ANKRD11: variants seen among roughly 807,000 people sequenced by gnomAD.
ANKRD11 encodes ankyrin repeat domain-containing protein 11.
In ANKRD11, 17 loss-of-function variants were observed where a neutral mutation model predicts 195.7. The observed-to-expected ratio is 0.09, with a 90% CI of 0.06 to 0.13. ANKRD11 has a LOEUF of 0.13. ANKRD11 is among the 10% of genes least tolerant of loss of function. ANKRD11 has a pLI of 1.00. For missense variants in ANKRD11, 3,735 were observed against 3,566.1 expected (o/e 1.05, Z -1.21); for synonymous variants, 1,953 against 1,528.1 (o/e 1.28, Z -6.49).
At chr16:89,449,187 C>CAAA (rs397778191) in intron 1 of ANKRD11, among the ~76,000 whole-genome samples, 1 of 73,448 alleles carries the variant, frequency 1.4e-5, no homozygotes, top group Non-Finnish European at 2.7e-5. Context: ...CCAGTCTCTA[C>CAAA]AAAAAAAAAA....
chr16:89,436,702 T>A (rs1306873188), intron 1 of ANKRD11, among the ~76,000 whole-genome samples: 2 of 152,206 alleles, frequency 1.3e-5, no homozygotes, highest in Non-Finnish European at 2.9e-5. Flanking sequence ...CTCTCAACAC[T>A]GACAAGTCAA....
chr16:89,301,086 C>A, intron 4 of ANKRD11: 1 of 535,802 alleles, frequency 1.9e-6, no homozygotes, highest in South Asian at 2.6e-5. Context: ...AAAACATTCG[C>A]TGGTTGACTG....
chr16:89,270,892 T>G lies in ANKRD11; in HGVS notation c.7731A>C (p.Ser2577=), dbSNP rs564437715. The G allele has an allele frequency of 3.5e-4, 567 of 1,614,006 alleles. 5 individuals carry two copies. The South Asian group carries it at 5.9e-3, about 17-fold the overall frequency. The change falls in exon 12 of 13, where the codon TCA becomes TCC. Residue 2577 remains serine, a synonymous_variant. Transcript: ENST00000301030. ...GGCGGGCGTTGAAACGGTCGCGCAC[T>G]GACTTGTTCTCGTCACCCTGTGGAA... ...PLESQGDENK[S]VRDRFNARQF...
intron 2 of ANKRD11, among the ~76,000 whole-genome samples, chr16:89,387,691 AG>A (rs1251530323): frequency 7.6e-4 from 98 of 129,110 alleles, no homozygotes; most frequent in East Asian, 2.1e-3. Context: ...AAAAAGAAAA[AG>A]AAAAAAAAAA....
intron 2 of ANKRD11, among the ~76,000 whole-genome samples, chr16:89,358,556 C>T (rs1387480307): frequency 6.6e-6 from 1 of 152,182 alleles, no homozygotes; most frequent in Non-Finnish European, 1.5e-5. Flanking sequence ...ATCAAAACAT[C>T]TCATGGACCC....
At chr16:89,435,704 C>T (rs896497748) in intron 1 of ANKRD11, among the ~76,000 whole-genome samples, 6 of 151,792 alleles carry the variant, frequency 4.0e-5, no homozygotes, top group Non-Finnish European at 5.9e-5. Flanking sequence ...CACACGCAGA[C>T]GTACTTTCGT....
intron 2 of ANKRD11, among the ~76,000 whole-genome samples, chr16:89,387,598 G>A (rs1241686186): frequency 1.3e-5 from 2 of 150,354 alleles, no homozygotes; most frequent in African/African-American, 4.9e-5. Context: ...GCGGGAACCC[G>A]GGAGGCAGAG....
chr16:89,382,693 T>C (rs1446225329), intron 2 of ANKRD11, among the ~76,000 whole-genome samples: 1 of 151,054 alleles, frequency 6.6e-6, no homozygotes, highest in Non-Finnish European at 1.5e-5. Context: ...TTGCCCAGGT[T>C]GGTCTCAAAC....
chr16:89,340,856 T>A (rs1187466948), intron 2 of ANKRD11, among the ~76,000 whole-genome samples: 1 of 152,086 alleles, frequency 6.6e-6, no homozygotes, highest in Non-Finnish European at 1.5e-5. Context: ...ATGCACAGCT[T>A]TTGCCCAATT....
At chr16:89,420,962 T>C (rs1338739035) in intron 1 of ANKRD11, among the ~76,000 whole-genome samples, 3 of 152,268 alleles carry the variant, frequency 2.0e-5, no homozygotes, top group African/African-American at 7.2e-5. Context: ...CAGGCTACAC[T>C]TCTTACTGTC....
intron 2 of ANKRD11, among the ~76,000 whole-genome samples, chr16:89,355,011 G>GA (rs967322219): frequency 6.6e-6 from 1 of 152,188 alleles, no homozygotes; most frequent in Non-Finnish European, 1.5e-5. Context: ...TTCACATGCT[G>GA]AAGACCCACC....
chr16:89,308,996 A>G (rs982154506), intron 3 of ANKRD11, among the ~76,000 whole-genome samples: 4 of 152,222 alleles, frequency 2.6e-5, no homozygotes, highest in African/African-American at 9.6e-5. Context: ...CTCCTCTGGA[A>G]TAAGACTGGG....
intron 6 of ANKRD11, 172 bp from the exon 7 acceptor site, chr16:89,288,842 ATTCTC>A: frequency 1.2e-6 from 1 of 835,988 alleles, no homozygotes; most frequent in Admixed American, 2.1e-5. Context: ...GAACCCCTAA[ATTCTC>A]TTTACTGTGG....
At chr16:89,395,957 C>G (rs562414501) in intron 2 of ANKRD11, 1 of 152,304 alleles carries the variant, frequency 6.6e-6, no homozygotes, top group South Asian at 2.1e-4. Context: ...CTGCCGCACA[C>G]CAGACACAGC....
intron 7 of ANKRD11, chr16:89,286,778 A>T: frequency 3.9e-6 from 5 of 1,287,292 alleles, no homozygotes; most frequent in Non-Finnish European, 5.1e-6. Flanking sequence ...ATGGTGACAC[A>T]GCTCTTTTCA....
chr16:89,317,143 A>C (rs1489096750), intron 2 of ANKRD11, 65 bp from the exon 3 acceptor site: 1 of 1,039,324 alleles, frequency 9.6e-7, no homozygotes, highest in Non-Finnish European at 1.4e-6. Flanking sequence ...CCACTCTCAC[A>C]CCGCACTCAA....
Position 89,283,771 on chromosome 16 carries a change from G to T in ANKRD11, c.2771C>A (p.Thr924Asn), listed in dbSNP as rs767593645. Residue 924 changes from threonine (T) to asparagine (N), a missense_variant, in exon 9 of 13, where the codon ACC becomes AAC. Thr to Asn is a moderately conservative substitution (Grantham distance 65, BLOSUM62 0). Transcript: ENST00000301030. The surrounding 1 kb of genome is among the most constrained non-coding windows in gnomAD (Gnocchi z 4.3). ...DKNSEKRKEQ[T>N]EKHKSVPGYL... ...GCCAGGGACACTTTTATGCTTTTCG[G>T]TCTGCTCTTTCCTCTTCTCAGAGTT... 5 of 1,613,356 alleles carry T rather than the reference G, an allele frequency of 3.1e-6. No homozygotes were observed.
intron 2 of ANKRD11, among the ~76,000 whole-genome samples, chr16:89,347,516 C>T (rs992654925): frequency 6.6e-6 from 1 of 150,444 alleles, no homozygotes; most frequent in Non-Finnish European, 1.5e-5. Flanking sequence ...GAGGCTGAGG[C>T]AGGAGAATGG....
At chr16:89,456,957 CTTTTTTTT>C (rs56161810) in intron 1 of ANKRD11, among the ~76,000 whole-genome samples, 29 of 138,238 alleles carry the variant, frequency 2.1e-4, no homozygotes, top group Middle Eastern at 3.7e-3. Flanking sequence ...TTATGTGAGT[CTTTTTTTT>C]TTTTTTTTTT....
Sources: allele counts gnomAD v4.1 joint callset (sites outside exome capture counted in the v4.1 genomes callset), GRCh38; gene constraint gnomAD v4.1.1; non-coding constraint Gnocchi (gnomAD v3.1); transcripts MANE v1.5; gene names NCBI Gene and HGNC (gene_info 2026-07-23, HGNC 2026-07-21).